Variants in PTPRK observed in about 807,000 individuals in gnomAD.
PTPRK encodes the protein protein tyrosine phosphatase receptor type K, also known as receptor-type tyrosine-protein phosphatase kappa.
A neutral mutation model predicts 178.0 loss-of-function variants in PTPRK; 75 were observed. That is an observed-to-expected ratio of 0.42 (90% CI 0.35 to 0.51). The LOEUF is 0.51. Among genes scored for constraint, PTPRK ranks in the 20% least tolerant of loss-of-function variants. PTPRK has a pLI of 0.02. For synonymous variants in PTPRK, 637 were observed against 620.6 expected (o/e 1.03, Z -0.39); for missense variants, 1,441 against 1,797.8 (o/e 0.80, Z 3.59).
intron 1 of PTPRK, among the ~76,000 whole-genome samples, chr6:128,466,130 G>C (rs1354885556): frequency 6.6e-6 from 1 of 152,000 alleles, no homozygotes; most frequent in African/African-American, 2.4e-5. Flanking sequence ...CAGACTAAGG[G>C]AAAAAAATTA....
Position 128,322,326 on chromosome 6 carries a change from AAAT to A in PTPRK, c.224-19_224-17del. On this transcript the variant is annotated splice_polypyrimidine_tract_variant and intron_variant, in intron 2 of 29. Coordinates refer to ENST00000368226, the MANE Select transcript of PTPRK (RefSeq NM_002844.4). ...ATATAGGAACCTGAAATGACATTAC[AAAT>A]AATAATGCTAAAGAGATATATAAGC... 3 of 1,543,434 alleles carry A rather than the reference AAAT, an allele frequency of 1.9e-6. No homozygotes were observed. The highest frequency in any genetic ancestry group is 1.4e-5 in the African/African-American group (1 of 73,042).
chr6:128,313,612 GA>G (rs1827571118), intron 3 of PTPRK, among the ~76,000 whole-genome samples: 1 of 152,108 alleles, frequency 6.6e-6, no homozygotes, highest in African/African-American at 2.4e-5. Flanking sequence ...AAGAATGGTA[GA>G]AAGATTAGAG....
At position 128,508,500 on chromosome 6, in the gene PTPRK, C is replaced by T. The variant is rs563533135; in HGVS notation, c.100+11759G>A. Among the ~76,000 whole-genome samples the T allele has an allele frequency of 2.6e-5, 4 of 152,302 alleles. No homozygotes were observed. The South Asian group carries it at 8.3e-4, about 32-fold the overall frequency. On this transcript the variant is annotated intron_variant, in intron 1 of 29. Coordinates refer to ENST00000368226, the MANE Select transcript of PTPRK (RefSeq NM_002844.4). ...ATGATATATATAAGTACTTAAAACA[C>T]ATTTACATTTCTTTAATAACTTATT...
chr6:128,115,257 C>T (rs920527913), intron 7 of PTPRK, among the ~76,000 whole-genome samples: 3 of 152,082 alleles, frequency 2.0e-5, no homozygotes, highest in Non-Finnish European at 2.9e-5. Context: ...CACATATGTC[C>T]CCTAGGATCC....
At chr6:128,120,340 C>G (rs190780867) in intron 7 of PTPRK, among the ~76,000 whole-genome samples, 1 of 152,050 alleles carries the variant, frequency 6.6e-6, no homozygotes, top group Admixed American at 6.5e-5. Flanking sequence ...ACAATTCTCA[C>G]CTCAGAAACT....
intron 6 of PTPRK, among the ~76,000 whole-genome samples, chr6:128,187,400 A>C (rs1802960936): frequency 6.6e-6 from 1 of 152,154 alleles, no homozygotes; most frequent in Non-Finnish European, 1.5e-5. Flanking sequence ...AAATGCTTAC[A>C]CATTAATAGC....
intron 4 of PTPRK, among the ~76,000 whole-genome samples, chr6:128,240,963 C>T (rs1814310006): frequency 6.6e-6 from 1 of 152,174 alleles, no homozygotes; most frequent in Non-Finnish European, 1.5e-5. Context: ...GGCCGTATCA[C>T]CCTAAAACTG....
chr6:128,050,399 G>A (rs771414748), intron 13 of PTPRK, among the ~76,000 whole-genome samples: 62 of 152,118 alleles, frequency 4.1e-4, no homozygotes, highest in Non-Finnish European at 7.6e-4. Flanking sequence ...GTTTTGAATA[G>A]GCTATTTTAT....
At chr6:128,063,189 G>C (rs1025859378) in intron 13 of PTPRK, among the ~76,000 whole-genome samples, 1 of 152,106 alleles carries the variant, frequency 6.6e-6, no homozygotes, top group African/African-American at 2.4e-5. Context: ...AAGTGTAGCA[G>C]AGCTGGATTA....
chr6:128,068,765 A>T (rs974560771), intron 11 of PTPRK, among the ~76,000 whole-genome samples: 50 of 151,330 alleles, frequency 3.3e-4, no homozygotes, highest in African/African-American at 1.1e-3. Context: ...AATATATTTT[A>T]AAATGTTTTA....
chr6:128,076,479 G>C (rs1315160636), intron 11 of PTPRK, among the ~76,000 whole-genome samples: 2 of 151,980 alleles, frequency 1.3e-5, no homozygotes, highest in Non-Finnish European at 2.9e-5. Context: ...TGGACTTGGT[G>C]GGATTAGCAT....
chr6:128,118,697 C>A (rs1395916483), intron 7 of PTPRK, among the ~76,000 whole-genome samples: 2 of 152,130 alleles, frequency 1.3e-5, no homozygotes, highest in Non-Finnish European at 2.9e-5. Context: ...TTTCATGCTA[C>A]CAGTATTAAA....
intron 6 of PTPRK, among the ~76,000 whole-genome samples, chr6:128,215,588 CT>C (rs897767362): frequency 6.6e-6 from 1 of 151,904 alleles, no homozygotes; most frequent in Non-Finnish European, 1.5e-5. Context: ...TTTCTCCATA[CT>C]TTTTTTTATT....
chr6:127,970,625 T>C (rs1485393610), intron 29 of PTPRK, among the ~76,000 whole-genome samples: 1 of 152,012 alleles, frequency 6.6e-6, no homozygotes, highest in Non-Finnish European at 1.5e-5. Context: ...TGAACAAACA[T>C]AAAGAATGAG....
chr6:128,509,300 T>C (rs578082324), intron 1 of PTPRK, among the ~76,000 whole-genome samples: 2 of 152,250 alleles, frequency 1.3e-5, no homozygotes, highest in Admixed American at 6.5e-5. Flanking sequence ...TATACATACA[T>C]AGGAAATACA....
At chr6:128,103,947 G>A (rs1296706581) in intron 7 of PTPRK, among the ~76,000 whole-genome samples, 1 of 152,076 alleles carries the variant, frequency 6.6e-6, no homozygotes, top group Non-Finnish European at 1.5e-5. Context: ...CACCTGCACT[G>A]ACCTCAGCAC....
intron 5 of PTPRK, among the ~76,000 whole-genome samples, chr6:128,236,899 A>G (rs1813382661): frequency 1.3e-5 from 2 of 152,138 alleles, no homozygotes; most frequent in Admixed American, 1.3e-4. Flanking sequence ...AACTACCATG[A>G]TATGCATTAT....
chr6:128,009,760 A>G (rs1462336496), intron 13 of PTPRK, among the ~76,000 whole-genome samples: 2 of 151,228 alleles, frequency 1.3e-5, no homozygotes, highest in Admixed American at 6.6e-5. Flanking sequence ...GCATGTGTTT[A>G]TGATTTAATA....
chr6:128,284,545 G>T (rs1163046645), intron 3 of PTPRK, among the ~76,000 whole-genome samples: 2 of 152,192 alleles, frequency 1.3e-5, no homozygotes, highest in African/African-American at 4.8e-5. Context: ...ATGCAAGAAT[G>T]AATGTTTCTA....
Sources: allele counts gnomAD v4.1 joint callset (sites outside exome capture counted in the v4.1 genomes callset), GRCh38; gene constraint gnomAD v4.1.1; transcripts MANE v1.5; gene names NCBI Gene and HGNC (gene_info 2026-07-23, HGNC 2026-07-21).